The following LARGE1 variants were observed in gnomAD, a reference collection of about 807,000 sequenced individuals.
LARGE1 encodes the protein LARGE xylosyl- and glucuronyltransferase 1, also known as xylosyl- and glucuronyltransferase LARGE1.
LARGE1 carries 43 observed loss-of-function variants against 87.6 expected under a neutral mutation model. The ratio of observed to expected loss-of-function variants is 0.49; its 90% CI spans 0.38 to 0.63. The LOEUF is 0.63. LARGE1 is among the 30% of genes least tolerant of loss of function. The pLI is 0.00. For synonymous variants in LARGE1, 434 were observed against 394.6 expected, an observed-to-expected ratio of 1.10 and a Z score of -1.18; for missense variants, 802 against 1,000.2, an observed-to-expected ratio of 0.80 and a Z score of 2.67.
At chr22:33,908,186 T>C (rs911401458) in intron 1 of LARGE1, among the ~76,000 whole-genome samples, 5 of 152,022 alleles carry the variant, frequency 3.3e-5, no homozygotes. Context: ...CAACAACCAT[T>C]TATTGTATTG....
chr22:33,531,775 A>G (rs1036714376), intron 6 of LARGE1, among the ~76,000 whole-genome samples: 18 of 152,214 alleles, frequency 1.2e-4, no homozygotes, highest in African/African-American at 4.1e-4. Flanking sequence ...AGTACAACCA[A>G]TCAGCCTCAG....
intron 11 of LARGE1, among the ~76,000 whole-genome samples, chr22:33,205,644 G>T (rs1924636130): frequency 6.6e-6 from 1 of 152,172 alleles, no homozygotes; most frequent in Non-Finnish European, 1.5e-5. Flanking sequence ...AAAGACCAAA[G>T]AAACAGGCTC....
At chr22:33,125,243 C>A in the LARGE1 span, among the ~76,000 whole-genome samples, 2 of 152,120 alleles carry the variant, frequency 1.3e-5, no homozygotes, top group Non-Finnish European at 1.5e-5. Context: ...TGCCTCCTAC[C>A]TCATGTGGAG....
intron 2 of LARGE1, among the ~76,000 whole-genome samples, chr22:33,745,180 C>G (rs995076429): frequency 3.9e-5 from 6 of 152,322 alleles, no homozygotes; most frequent in African/African-American, 1.4e-4. Context: ...ACTGAAGCAT[C>G]TGGAATGCAA....
At chr22:33,674,018 A>G (rs908279897) in intron 2 of LARGE1, among the ~76,000 whole-genome samples, 4 of 151,830 alleles carry the variant, frequency 2.6e-5, no homozygotes, top group Non-Finnish European at 4.4e-5. Flanking sequence ...CATGTTGGCC[A>G]GGCTGGTCTT....
the LARGE1 span, among the ~76,000 whole-genome samples, chr22:33,081,409 G>A: frequency 9.9e-5 from 15 of 152,262 alleles, no homozygotes; most frequent in African/African-American, 2.9e-4. Context: ...ATGTGAAGAC[G>A]TAGGGAGGAG....
chr22:33,515,528 G>A (rs1004011544), intron 6 of LARGE1, among the ~76,000 whole-genome samples: 5 of 152,156 alleles, frequency 3.3e-5, no homozygotes, highest in African/African-American at 9.7e-5. Flanking sequence ...TTCACAGGGA[G>A]CAGAAAATAG....
intron 4 of LARGE1, among the ~76,000 whole-genome samples, chr22:33,616,212 T>C (rs2079574906): frequency 6.6e-6 from 1 of 151,972 alleles, no homozygotes; most frequent in African/African-American, 2.4e-5. Flanking sequence ...TTCATAATAG[T>C]CAAGAAGTGG....
At chr22:33,853,124 G>A (rs777736142) in intron 1 of LARGE1, among the ~76,000 whole-genome samples, 7 of 152,058 alleles carry the variant, frequency 4.6e-5, no homozygotes, top group African/African-American at 9.7e-5. Flanking sequence ...CAGCACCATC[G>A]TCTCATTTCA....
intron 1 of LARGE1, among the ~76,000 whole-genome samples, chr22:33,904,804 T>G (rs1444205779): frequency 6.6e-6 from 1 of 152,174 alleles, no homozygotes; most frequent in East Asian, 1.9e-4. Flanking sequence ...ATCACATGAC[T>G]AGCTACATGT....
chr22:33,498,995 C>A (rs1392011388), intron 6 of LARGE1, among the ~76,000 whole-genome samples: 2 of 151,866 alleles, frequency 1.3e-5, no homozygotes, highest in African/African-American at 4.8e-5. Context: ...CATAAATAAA[C>A]AAAAAATTTA....
intron 4 of LARGE1, among the ~76,000 whole-genome samples, chr22:33,612,439 C>G (rs1469742407): frequency 6.6e-6 from 1 of 152,154 alleles, no homozygotes; most frequent in African/African-American, 2.4e-5. Context: ...AACAGTCTAA[C>G]AGGGATAGGT....
chr22:33,459,441 C>CTTTTTTTTTT (rs3071562), intron 6 of LARGE1, among the ~76,000 whole-genome samples: 1 of 128,354 alleles, frequency 7.8e-6, no homozygotes. Context: ...CGCTCTCTCT[C>CTTTTTTTTTT]TTTTTTTTTT....
At chr22:33,307,336 C>T (rs746200745) in intron 11 of LARGE1, among the ~76,000 whole-genome samples, 4 of 152,322 alleles carry the variant, frequency 2.6e-5, no homozygotes, top group East Asian at 1.9e-4. Context: ...GATTCACATT[C>T]GGGTCTACCT....
At chr22:33,340,822 C>T (rs1300687670) in intron 9 of LARGE1, among the ~76,000 whole-genome samples, 2 of 151,896 alleles carry the variant, frequency 1.3e-5, no homozygotes, top group East Asian at 3.8e-4. Flanking sequence ...CCTATGGCCA[C>T]CTTGCTGGTA....
chr22:33,896,481 A>G (rs1455618475), intron 1 of LARGE1, among the ~76,000 whole-genome samples: 1 of 152,236 alleles, frequency 6.6e-6, no homozygotes, highest in Non-Finnish European at 1.5e-5. Flanking sequence ...TACCAGGGGC[A>G]CATTTGAGGC....
intron 1 of LARGE1, among the ~76,000 whole-genome samples, chr22:33,782,519 G>A (rs763672481): frequency 1.3e-5 from 2 of 152,110 alleles, no homozygotes; most frequent in Non-Finnish European, 2.9e-5. Context: ...TCAGTGACAC[G>A]AGAACAATGA....
At chr22:33,627,390 G>C (rs2079955969) in intron 3 of LARGE1, among the ~76,000 whole-genome samples, 1 of 152,160 alleles carries the variant, frequency 6.6e-6, no homozygotes, top group African/African-American at 2.4e-5. Context: ...AGCCTTCCTT[G>C]AATGGAAACC....
chr22:33,295,343 C>T (rs766770756), intron 12 of LARGE1, among the ~76,000 whole-genome samples: 7 of 152,202 alleles, frequency 4.6e-5, no homozygotes, highest in Admixed American at 1.3e-4. Flanking sequence ...CAAAGAAGGG[C>T]ACACATGTGT....
Sources: allele counts gnomAD v4.1 joint callset (sites outside exome capture counted in the v4.1 genomes callset), GRCh38; gene constraint gnomAD v4.1.1; transcripts MANE v1.5; gene names NCBI Gene and HGNC (gene_info 2026-07-23, HGNC 2026-07-21).